Variants in DNAJC15 observed in about 807,000 individuals in gnomAD.
DNAJC15 encodes the protein dnaJ homolog subfamily C member 15.
DNAJC15 carries 27 observed loss-of-function variants against 22.4 expected under a neutral mutation model. The observed-to-expected ratio is 1.20, with a 90% CI of 0.89 to 1.66. DNAJC15 has a LOEUF of 1.66. Among genes scored for constraint, DNAJC15 ranks in the 40% most tolerant of loss-of-function variants. DNAJC15 has a pLI of 0.00. For missense variants in DNAJC15, 208 were observed against 187.1 expected (o/e 1.11, Z -0.65); for synonymous variants, 79 against 63.2 (o/e 1.25, Z -1.19).
chr13:43,048,220 C>A (rs9533360), intron 1 of DNAJC15, among the ~76,000 whole-genome samples: 36,221 of 151,998 alleles, frequency 0.24, 4,786 homozygotes, highest in Non-Finnish European at 0.3. Flanking sequence ...TGGCTTACGC[C>A]TATTATCCCA....
chr13:43,053,770 C>G (rs2040516745), intron 1 of DNAJC15, among the ~76,000 whole-genome samples: 1 of 152,134 alleles, frequency 6.6e-6, no homozygotes, highest in Non-Finnish European at 1.5e-5. Context: ...ATTTTGTATC[C>G]TGAAACTTTG....
At chr13:43,051,636 T>G (rs1322592607) in intron 1 of DNAJC15, among the ~76,000 whole-genome samples, 1 of 121,818 alleles carries the variant, frequency 8.2e-6, no homozygotes, top group African/African-American at 3.4e-5. Context: ...TACTTCATGG[T>G]GTGTGTGTGT....
intron 1 of DNAJC15, among the ~76,000 whole-genome samples, chr13:43,058,447 T>G (rs1593317094): frequency 6.6e-6 from 1 of 152,178 alleles, no homozygotes; most frequent in East Asian, 1.9e-4. Context: ...GAGGCTTGTC[T>G]GACTCAGATT....
At chr13:43,058,663 T>C (rs1451956794) in intron 1 of DNAJC15, among the ~76,000 whole-genome samples, 2 of 152,332 alleles carry the variant, frequency 1.3e-5, no homozygotes, top group East Asian at 3.9e-4. Context: ...GGAAAATTCA[T>C]GCTCAATTGA....
chr13:43,045,275 G>A lies in DNAJC15; in HGVS notation c.109-20411G>A, dbSNP rs186678442. 3.2e-3 allele frequency among the ~76,000 whole-genome samples: 493 copies of A among 152,108 alleles called. 3 individuals carry two copies. Among genetic ancestry groups the A allele is most frequent in the African/African-American group, 0.011 (461 of 41,510 alleles). On this transcript the variant is annotated intron_variant, in intron 1 of 5. Transcript: ENST00000379221. The stretch of plus-strand genomic sequence containing the variant: ...TTTTCCAAAAGTCATTTTTTTCAGT[G>A]AAGCTTGCCCTACTCACTTTAAATT...
At chr13:43,098,461 T>C (rs1300927665) in intron 5 of DNAJC15, among the ~76,000 whole-genome samples, 2 of 152,216 alleles carry the variant, frequency 1.3e-5, no homozygotes, top group Non-Finnish European at 2.9e-5. Flanking sequence ...CTTCAGACCC[T>C]TCCAACTCTG....
chr13:43,106,259 CAA>C (rs772350651), intron 5 of DNAJC15, among the ~76,000 whole-genome samples: 5 of 152,066 alleles, frequency 3.3e-5, no homozygotes, highest in Admixed American at 6.6e-5. Flanking sequence ...ATAAAAAACA[CAA>C]AGAGACTGGT....
At position 43,110,490 on chromosome 13, in the gene DNAJC15, A is replaced by G. The variant is rs1162950033; in HGVS notation, c.*3242A>G. ...TTTTCCCCCTTGAGTCTGTGAAGGC[A>G]TTACTTAAGAACAAAGTCAGGCATG... On this transcript the variant is annotated 3_prime_UTR_variant, in exon 6 of 6. Transcript: ENST00000379221. The G allele has an allele frequency of 6.6e-6, 1 of 152,178 alleles. No individual in the cohort carries two copies. Among genetic ancestry groups the G allele is most frequent in the Non-Finnish European group, 1.5e-5 (1 of 68,048 alleles). 9.4% of individuals were successfully genotyped at this position (152,178 alleles called of 1,614,324 possible).
At chr13:43,065,278 A>T (rs2040578322) in intron 1 of DNAJC15, among the ~76,000 whole-genome samples, 1 of 152,188 alleles carries the variant, frequency 6.6e-6, no homozygotes, top group Admixed American at 6.5e-5. Flanking sequence ...GTAAGGTTTC[A>T]TGAAATTTTT....
intron 1 of DNAJC15, among the ~76,000 whole-genome samples, chr13:43,058,937 C>G (rs1271922223): frequency 6.6e-6 from 1 of 152,240 alleles, no homozygotes; most frequent in Non-Finnish European, 1.5e-5. Context: ...CAGACTCCCC[C>G]TCTCACACTT....
At chr13:43,024,571 G>T (rs111884657) in intron 1 of DNAJC15, among the ~76,000 whole-genome samples, 1 of 151,294 alleles carries the variant, frequency 6.6e-6, no homozygotes, top group Admixed American at 6.6e-5. Flanking sequence ...GTCTCGATCT[G>T]CTTACCTCGT....
intron 1 of DNAJC15, among the ~76,000 whole-genome samples, chr13:43,046,168 T>C (rs2040476198): frequency 1.3e-5 from 2 of 152,202 alleles, no homozygotes; most frequent in Admixed American, 1.3e-4. Context: ...ATTTTTTTTT[T>C]TTTGTAAGGA....
chr13:43,106,501 C>CT (rs747369708), intron 5 of DNAJC15, among the ~76,000 whole-genome samples: 1 of 152,014 alleles, frequency 6.6e-6, no homozygotes, highest in Non-Finnish European at 1.5e-5. Context: ...AAAGAACTGA[C>CT]TTAATTTTAT....
chr13:43,033,245 A>G (rs905311334), intron 1 of DNAJC15, among the ~76,000 whole-genome samples: 7 of 152,206 alleles, frequency 4.6e-5, no homozygotes, highest in African/African-American at 1.7e-4. Context: ...GTGAGACCCC[A>G]TTTCTACAGA....
intron 5 of DNAJC15, among the ~76,000 whole-genome samples, chr13:43,097,074 A>G (rs1255768356): frequency 1.3e-5 from 2 of 152,210 alleles, no homozygotes; most frequent in African/African-American, 2.4e-5. Flanking sequence ...TTATGCAGAA[A>G]AGGCTGATAT....
intron 1 of DNAJC15, among the ~76,000 whole-genome samples, chr13:43,054,476 T>C (rs922534871): frequency 1.3e-5 from 2 of 152,228 alleles, no homozygotes; most frequent in African/African-American, 4.8e-5. Flanking sequence ...TCAATAGGAT[T>C]GGTACTAGTT....
At chr13:43,044,405 C>G (rs1052130461) in intron 1 of DNAJC15, among the ~76,000 whole-genome samples, 1 of 152,142 alleles carries the variant, frequency 6.6e-6, no homozygotes, top group Non-Finnish European at 1.5e-5. Flanking sequence ...TTATCATACT[C>G]GTCACGGCAT....
At chr13:43,102,185 T>C (rs904975373) in intron 5 of DNAJC15, among the ~76,000 whole-genome samples, 2 of 152,192 alleles carry the variant, frequency 1.3e-5, no homozygotes, top group Non-Finnish European at 2.9e-5. Context: ...TAATTAGTGA[T>C]ATTGAGCATT....
At position 43,070,371 on chromosome 13, in the gene DNAJC15, A is replaced by G. The variant is rs747515868; in HGVS notation, c.234+1368A>G. Reference sequence around the variant, plus strand: ...ATTCTTTGAGCACCTACTACATACTACATTACCATAGACAGTGGGATATAG... The same window carrying G: ...ATTCTTTGAGCACCTACTACATACTGCATTACCATAGACAGTGGGATATAG... On this transcript the variant is annotated intron_variant, in intron 3 of 5. Transcript: ENST00000379221. Among the ~76,000 whole-genome samples the G allele has an allele frequency of 4.6e-5, 7 of 152,134 alleles. No individual in the cohort carries two copies. In the East Asian group the frequency reaches 1.2e-3, roughly 25 times the overall value.
Sources: gnomAD v4.1 joint callset for allele counts (sites outside exome capture counted in the v4.1 genomes callset) on GRCh38, gnomAD v4.1.1 for gene constraint, MANE v1.5 for transcripts, NCBI Gene and HGNC (gene_info 2026-07-23, HGNC 2026-07-21) for gene names.